Variants in RHAG observed in about 807,000 individuals in gnomAD.
The protein encoded by RHAG is Rh associated glycoprotein, also known as ammonium transporter Rh type A.
In RHAG, 25 loss-of-function variants were observed where a neutral mutation model predicts 42.4. That is an observed-to-expected ratio of 0.59 (90% CI 0.43 to 0.82). The LOEUF is 0.82. RHAG is among the 40% of genes least tolerant of loss of function. The pLI, the probability that RHAG is intolerant of heterozygous loss-of-function variation, is 0.00. For missense variants in RHAG, 483 were observed against 504.6 expected, an observed-to-expected ratio of 0.96 and a Z score of 0.41; for synonymous variants, 182 against 177.7, an observed-to-expected ratio of 1.02 and a Z score of -0.19.
At chr6:49,607,272 G>T (rs772877309) in intron 7 of RHAG, 52 bp from the exon 8 acceptor site, 1 of 1,474,174 alleles carries the variant, frequency 6.8e-7, no homozygotes, top group Non-Finnish European at 9.4e-7. Context: ...CTCAGCCAAA[G>T]AAAGTCTCAC....
rs143902633 is a variant in RHAG at position 49,618,198 on chromosome 6, C to T, written c.362G>A (p.Ser121Asn). ...AAAAGATATCAGAACTGTGGCTGCA[C>T]TGAAGTCTGCATTTATCATGCTGAA... ...GIKNMINADFSAATVLISFGA... is the reference protein window; with the variant it reads ...GIKNMINADFNAATVLISFGA... The change falls in exon 3 of 10, where the codon AGT becomes AAT. Residue 121 changes from serine (S) to asparagine (N), a missense_variant. Transcript: ENST00000371175. The T allele has an allele frequency of 1.9e-6, 3 of 1,614,018 alleles. No individual in the cohort carries two copies. Among genetic ancestry groups the T allele is most frequent in the Non-Finnish European group, 2.5e-6 (3 of 1,180,028 alleles).
chr6:49,618,447 A>G (rs931174147), intron 2 of RHAG, among the ~76,000 whole-genome samples: 1 of 152,200 alleles, frequency 6.6e-6, no homozygotes, highest in African/African-American at 2.4e-5. Context: ...TCTTTGATCT[A>G]ATAAGTGAAT....
At chr6:49,613,752 A>T (rs1381220810) in intron 5 of RHAG, among the ~76,000 whole-genome samples, 1 of 152,248 alleles carries the variant, frequency 6.6e-6, no homozygotes, top group East Asian at 1.9e-4. Flanking sequence ...GACACATAAA[A>T]GTTGTAAAAA....
intron 1 of RHAG, among the ~76,000 whole-genome samples, chr6:49,632,492 G>A (rs973139822): frequency 6.6e-6 from 1 of 152,034 alleles, no homozygotes; most frequent in Non-Finnish European, 1.5e-5. Flanking sequence ...CTGATACTTG[G>A]CAAGGCTTTT....
At chr6:49,615,402 A>G (rs1762637721) in intron 4 of RHAG, 2 of 396,992 alleles carry the variant, frequency 5.0e-6, no homozygotes, top group Non-Finnish European at 9.0e-6. Flanking sequence ...TATTATTATT[A>G]TTATTTTTTA....
chr6:49,616,739 A>G (rs1762661401), intron 3 of RHAG, among the ~76,000 whole-genome samples: 2 of 151,876 alleles, frequency 1.3e-5, no homozygotes, highest in Admixed American at 6.6e-5. Flanking sequence ...TTTACTAGAC[A>G]TAGACAGACC....
intron 6 of RHAG, among the ~76,000 whole-genome samples, chr6:49,612,186 G>T (rs1762579500): frequency 6.6e-6 from 1 of 152,160 alleles, no homozygotes; most frequent in East Asian, 1.9e-4. Flanking sequence ...ATAAATAATT[G>T]ATACTGGATT....
intron 9 of RHAG, among the ~76,000 whole-genome samples, chr6:49,606,547 C>A (rs1279968379): frequency 1.3e-5 from 2 of 151,972 alleles, no homozygotes; most frequent in East Asian, 3.9e-4. Flanking sequence ...GTAGTTCATT[C>A]AGTTTCTTTT....
chr6:49,635,072 C>T (rs376442643), intron 1 of RHAG, among the ~76,000 whole-genome samples: 3 of 150,584 alleles, frequency 2.0e-5, no homozygotes, highest in East Asian at 1.9e-4. Flanking sequence ...AATATCCATA[C>T]GGTATTGTTA....
chr6:49,636,321 G>T (rs1414776353), intron 1 of RHAG, among the ~76,000 whole-genome samples: 10 of 152,040 alleles, frequency 6.6e-5, no homozygotes, highest in Non-Finnish European at 1.0e-4. Flanking sequence ...CTTTCAGTGG[G>T]GAATGCAAAG....
At chr6:49,610,210 C>A (rs1247985821) in intron 7 of RHAG, among the ~76,000 whole-genome samples, 1 of 152,124 alleles carries the variant, frequency 6.6e-6, no homozygotes, top group African/African-American at 2.4e-5. Flanking sequence ...ACATTCTGCA[C>A]ATGTATCCAG....
chr6:49,631,581 C>G (rs1762937366), intron 1 of RHAG, among the ~76,000 whole-genome samples: 1 of 152,186 alleles, frequency 6.6e-6, no homozygotes, highest in Non-Finnish European at 1.5e-5. Flanking sequence ...GTCCTTTTCA[C>G]ATGGCCCTGT....
At chr6:49,616,223 C>G (rs928010864) in intron 3 of RHAG, among the ~76,000 whole-genome samples, 1 of 151,950 alleles carries the variant, frequency 6.6e-6, no homozygotes, top group African/African-American at 2.4e-5. Flanking sequence ...GTGGTGCACG[C>G]CTTGTAGTCC....
Position 49,612,459 on chromosome 6 carries a change from C to A in RHAG, c.883G>T (p.Gly295Cys). ...GCAATGCTCCCAATAATCATAGAAC[C>A]AAATGGGTGAATTGCCATATCCGCA... Reference protein sequence around the residue: ...TCADMAIHPFGSMIIGSIAGM... With the variant: ...TCADMAIHPFCSMIIGSIAGM... Residue 295 changes from glycine (G) to cysteine (C), a missense_variant, in exon 6 of 10, where the codon GGT becomes TGT. Gly to Cys is a radical substitution (Grantham distance 159). Transcript: ENST00000371175. The A allele has an allele frequency of 6.2e-7, 1 of 1,614,020 alleles. No homozygotes were observed. The highest frequency in any genetic ancestry group is 8.5e-7 in the Non-Finnish European group (1 of 1,179,922).
At chr6:49,623,465 A>G (rs1762796402) in intron 1 of RHAG, among the ~76,000 whole-genome samples, 1 of 152,214 alleles carries the variant, frequency 6.6e-6, no homozygotes, top group African/African-American at 2.4e-5. Context: ...AAAGGAATAC[A>G]GTGTCCATTT....
At chr6:49,633,445 C>T (rs1258330830) in intron 1 of RHAG, among the ~76,000 whole-genome samples, 1 of 152,248 alleles carries the variant, frequency 6.6e-6, no homozygotes, top group Non-Finnish European at 1.5e-5. Flanking sequence ...GTAGGGAAAT[C>T]CATATAGCAT....
chr6:49,619,156 C>G (rs1286393122), intron 2 of RHAG, 23 bp downstream of exon 2: 1 of 1,612,570 alleles, frequency 6.2e-7, no homozygotes, highest in Admixed American at 1.7e-5. Context: ...TGCAAACATT[C>G]AGCCCACAGT....
chr6:49,619,798 T>C (rs1358317814), intron 1 of RHAG, among the ~76,000 whole-genome samples: 1 of 152,244 alleles, frequency 6.6e-6, no homozygotes, highest in Non-Finnish European at 1.5e-5. Context: ...TATAATAGCA[T>C]TTATTTAGCA....
intron 3 of RHAG, 140 bp from the exon 4 acceptor site, chr6:49,615,911 G>C (rs1344719302): frequency 5.9e-6 from 5 of 847,522 alleles, no homozygotes; most frequent in African/African-American, 3.4e-5. Flanking sequence ...GTCAGAGAAA[G>C]GGGGGTAAAA....
Sources: gnomAD v4.1 joint callset for allele counts (sites outside exome capture counted in the v4.1 genomes callset) on GRCh38, gnomAD v4.1.1 for gene constraint, MANE v1.5 for transcripts, NCBI Gene and HGNC (gene_info 2026-07-23, HGNC 2026-07-21) for gene names.